CRIM1: variants seen among roughly 807,000 people sequenced by gnomAD.
CRIM1 encodes cysteine rich transmembrane BMP regulator 1, also known as cysteine-rich motor neuron 1 protein.
Under a neutral mutation model 116.4 loss-of-function variants are expected in CRIM1, and 32 were observed. The ratio of observed to expected loss-of-function variants is 0.27; its 90% CI spans 0.21 to 0.37. CRIM1 has a LOEUF of 0.37. CRIM1 is among the 10% of genes least tolerant of loss of function. The pLI, the probability that CRIM1 is intolerant of heterozygous loss-of-function variation, is 1.00. For synonymous variants in CRIM1, 590 were observed against 509.2 expected (o/e 1.16, Z -2.13); for missense variants, 1,331 against 1,354.8 (o/e 0.98, Z 0.28).
At chr2:36,510,927 T>C (rs1356295667) in intron 9 of CRIM1, among the ~76,000 whole-genome samples, 1 of 148,466 alleles carries the variant, frequency 6.7e-6, no homozygotes, top group African/African-American at 2.5e-5. Context: ...CCTTTTCTTT[T>C]TTTTTTTTTT....
intron 4 of CRIM1, among the ~76,000 whole-genome samples, chr2:36,458,559 GA>G (rs201377840): frequency 6.6e-6 from 1 of 151,766 alleles, no homozygotes; most frequent in Non-Finnish European, 1.5e-5. Flanking sequence ...CTTTAGTAGG[GA>G]AAAAAAAGTT....
At chr2:36,388,149 A>C (rs574101993) in intron 1 of CRIM1, among the ~76,000 whole-genome samples, 1 of 152,294 alleles carries the variant, frequency 6.6e-6, no homozygotes, top group South Asian at 2.1e-4. Context: ...ACAGAAGTAG[A>C]GACAGTTGTG....
At chr2:36,396,898 T>G (rs1354570662) in intron 2 of CRIM1, 111 bp downstream of exon 2, 4 of 913,518 alleles carry the variant, frequency 4.4e-6, no homozygotes, top group East Asian at 4.9e-5. Flanking sequence ...CAGAGAGTGG[T>G]AGTTTGTATA....
chr2:36,382,814 A>G (rs1011608051), intron 1 of CRIM1, among the ~76,000 whole-genome samples: 1 of 152,248 alleles, frequency 6.6e-6, no homozygotes, highest in African/African-American at 2.4e-5. Flanking sequence ...ACAAGCACAT[A>G]CACATAAGTT....
intron 1 of CRIM1, among the ~76,000 whole-genome samples, chr2:36,377,056 C>G (rs911840934): frequency 6.6e-6 from 1 of 152,170 alleles, no homozygotes; most frequent in Non-Finnish European, 1.5e-5. Flanking sequence ...TGCCTCCCCC[C>G]ATGTGGGTTC....
At chr2:36,428,072 T>C (rs1674597464) in intron 2 of CRIM1, among the ~76,000 whole-genome samples, 1 of 152,256 alleles carries the variant, frequency 6.6e-6, no homozygotes, top group Admixed American at 6.5e-5. Flanking sequence ...CTTTTTCAGC[T>C]AGATTCTAAG....
At chr2:36,530,276 T>C (rs1210665073) in intron 13 of CRIM1, among the ~76,000 whole-genome samples, 2 of 152,212 alleles carry the variant, frequency 1.3e-5, no homozygotes, top group African/African-American at 4.8e-5. Flanking sequence ...AGTCAGCGCA[T>C]TGAAAATCAG....
chr2:36,419,260 C>T lies in CRIM1; in HGVS notation c.506-21998C>T, dbSNP rs55817057. 8.4e-3 allele frequency among the ~76,000 whole-genome samples: 1,284 copies of T among 152,276 alleles called. 19 individuals carry two copies. The highest frequency in any genetic ancestry group is 0.03 in the African/African-American group (1,241 of 41,556). On this transcript the variant is annotated intron_variant, in intron 2 of 16. Coordinates refer to ENST00000280527, the MANE Select transcript of CRIM1 (RefSeq NM_016441.3). ...TTGAGAGAGGACTTACTCTCTGCAA[C>T]ATTAAAACATACATATACTTTTGAC... is the stretch of plus-strand genomic sequence containing the variant.
intron 2 of CRIM1, among the ~76,000 whole-genome samples, chr2:36,425,208 A>C (rs1256769953): frequency 1.3e-5 from 2 of 152,208 alleles, no homozygotes; most frequent in African/African-American, 4.8e-5. Context: ...TGCAAATGAA[A>C]GAATGAATAC....
At chr2:36,494,626 A>G (rs1328250707) in intron 7 of CRIM1, among the ~76,000 whole-genome samples, 4 of 152,168 alleles carry the variant, frequency 2.6e-5, no homozygotes. Flanking sequence ...CAAGAAAACA[A>G]CAGGTAGAGG....
chr2:36,521,729 G>A (rs1665408848), intron 12 of CRIM1, among the ~76,000 whole-genome samples: 1 of 152,148 alleles, frequency 6.6e-6, no homozygotes, highest in African/African-American at 2.4e-5. Context: ...GCTAGATGAT[G>A]GGGCCACCCT....
At chr2:36,366,695 A>G (rs955255441) in intron 1 of CRIM1, among the ~76,000 whole-genome samples, 2 of 152,244 alleles carry the variant, frequency 1.3e-5, no homozygotes, top group African/African-American at 2.4e-5. Flanking sequence ...CTGAGACTGC[A>G]GAGTCCCAGT....
intron 1 of CRIM1, among the ~76,000 whole-genome samples, chr2:36,357,688 A>T (rs1558493935): frequency 6.6e-6 from 1 of 152,124 alleles, no homozygotes; most frequent in Non-Finnish European, 1.5e-5. Flanking sequence ...CGTTGGGCTG[A>T]TGATGCTGTT....
chr2:36,546,841 C>A, intron 15 of CRIM1, 143 bp from the exon 16 acceptor site: 1 of 354,126 alleles, frequency 2.8e-6, no homozygotes, highest in Non-Finnish European at 5.2e-6. Context: ...TTTGGATCAA[C>A]ATTAGATTTT....
intron 16 of CRIM1, among the ~76,000 whole-genome samples, chr2:36,547,509 G>A (rs1021604734): frequency 5.9e-5 from 9 of 152,120 alleles, no homozygotes; most frequent in African/African-American, 1.7e-4. Context: ...GTGATCACCT[G>A]GCATTTCTTA....
At chr2:36,543,825 TG>T (rs1558422152) in intron 14 of CRIM1, among the ~76,000 whole-genome samples, 1 of 152,182 alleles carries the variant, frequency 6.6e-6, no homozygotes, top group Non-Finnish European at 1.5e-5. Context: ...CTAATCTAAA[TG>T]GTTCCAGTGG....
chr2:36,479,356 A>C, intron 6 of CRIM1, 141 bp from the exon 7 acceptor site: 1 of 756,606 alleles, frequency 1.3e-6, no homozygotes, highest in Admixed American at 2.4e-5. Flanking sequence ...GAGACTCCTC[A>C]TGCAACCCTG....
intron 4 of CRIM1, among the ~76,000 whole-genome samples, chr2:36,452,213 G>A (rs1459223848): frequency 6.6e-6 from 1 of 151,786 alleles, no homozygotes; most frequent in Non-Finnish European, 1.5e-5. Flanking sequence ...AATTTCTCCA[G>A]CTGCTTTTTG....
chr2:36,515,971 T>G (rs567970973), intron 11 of CRIM1, among the ~76,000 whole-genome samples: 6 of 152,382 alleles, frequency 3.9e-5, no homozygotes, highest in Non-Finnish European at 7.3e-5. Context: ...ATTGTAATTC[T>G]CTTCCTCTCT....
Sources: gnomAD v4.1 joint callset for allele counts (sites outside exome capture counted in the v4.1 genomes callset) on GRCh38, gnomAD v4.1.1 for gene constraint, MANE v1.5 for transcripts, NCBI Gene and HGNC (gene_info 2026-07-23, HGNC 2026-07-21) for gene names.